Variants in GTF2H2C observed in about 807,000 individuals in gnomAD.
GTF2H2C encodes GTF2H2 family member C.
GTF2H2C carries 5 observed loss-of-function variants against 24.8 expected under a neutral mutation model. That is an observed-to-expected ratio of 0.20 (90% CI 0.11 to 0.42). The LOEUF (loss-of-function observed/expected upper bound fraction) is 0.42, where lower values mean the gene tolerates loss of function less well. Among genes scored for constraint, GTF2H2C ranks in the 20% least tolerant of loss-of-function variants. GTF2H2C has a pLI of 1.00. For synonymous variants in GTF2H2C, 14 were observed against 52.6 expected, an observed-to-expected ratio of 0.27 and a Z score of 3.18; for missense variants, 45 against 169.8, an observed-to-expected ratio of 0.27 and a Z score of 4.08.
intron 9 of GTF2H2C, chr5:69,572,755 TA>T (rs1771127743): frequency 5.8e-6 from 1 of 173,064 alleles, no homozygotes; most frequent in Non-Finnish European, 1.0e-5. Context: ...AAAGGTTTTA[TA>T]AAAATATAAT....
intron 9 of GTF2H2C, among the ~76,000 whole-genome samples, chr5:69,574,279 C>CT (rs1771231679): frequency 9.6e-6 from 1 of 103,848 alleles, no homozygotes; most frequent in Non-Finnish European, 1.9e-5. Context: ...TTTTTACAAA[C>CT]TGACAGTTTA....
Position 69,563,710 on chromosome 5 carries a change from C to T in GTF2H2C, c.-34+940C>T, listed in dbSNP as rs529458011. On this transcript the variant is annotated intron_variant, in intron 2 of 16. Transcript: ENST00000380729. ...TTCCCATCCTTCCCTGTCTAATAGT[C>T]TCCAATGTCTGTTGTTCTCATCGTT... Among the ~76,000 whole-genome samples, 18 of 152,158 alleles carry T rather than the reference C, an allele frequency of 1.2e-4. No homozygotes were observed. In the South Asian group the frequency reaches 2.3e-3, roughly 19 times the overall value.
rs1179131314 is a variant in GTF2H2C at position 69,573,143 on chromosome 5, TATAC to T, written c.470+595_470+598del. ...AGTTAAAGCTTATATATCTATTATA[TATAC>T]ACACACACACACACACACACACACA... On this transcript the variant is annotated intron_variant, in intron 9 of 16. Transcript: ENST00000380729. Among the ~76,000 whole-genome samples the T allele has an allele frequency of 4.7e-3, 437 of 92,026 alleles. 1 individual carries two copies. Among genetic ancestry groups the T allele is most frequent in the African/African-American group, 8.2e-3 (215 of 26,296 alleles). 60.4% of individuals were successfully genotyped at this position (92,026 alleles called of 152,430 possible).
intron 9 of GTF2H2C, among the ~76,000 whole-genome samples, chr5:69,575,447 T>TC (rs1395402092): frequency 1.5e-5 from 2 of 133,064 alleles, no homozygotes; most frequent in Non-Finnish European, 3.0e-5. Flanking sequence ...ACGCCTGTCA[T>TC]CCCAGCACTT....
chr5:69,560,684 G>A (rs1218869153), intron 1 of GTF2H2C: 1 of 150,972 alleles, frequency 6.6e-6, no homozygotes, highest in Non-Finnish European at 1.5e-5. Context: ...CTCATGTAAC[G>A]GGAATCACAC....
At chr5:69,569,553 A>T (rs1304638327) in intron 8 of GTF2H2C, 1 of 21,818 alleles carries the variant, frequency 4.6e-5, no homozygotes, top group African/African-American at 8.8e-5. Flanking sequence ...GGATAGAAGT[A>T]GGGTCAGCAC....
intron 8 of GTF2H2C, among the ~76,000 whole-genome samples, chr5:69,570,372 A>G (rs1369776228): frequency 3.0e-5 from 1 of 33,764 alleles, no homozygotes; most frequent in Non-Finnish European, 5.8e-5. Flanking sequence ...AATATTAAAT[A>G]TTACAAATGG....
intron 2 of GTF2H2C, among the ~76,000 whole-genome samples, chr5:69,564,181 A>G (rs1337494593): frequency 8.3e-6 from 1 of 120,126 alleles, no homozygotes; most frequent in East Asian, 2.3e-4. Context: ...TTTGGCTGCT[A>G]GTATTCCATG....
chr5:69,569,527 G>C (rs1770963116), intron 8 of GTF2H2C: 1 of 22,108 alleles, frequency 4.5e-5, no homozygotes, highest in African/African-American at 8.5e-5. Context: ...TCGATTGCCT[G>C]CTGATGCCCA....
chr5:69,593,719 G>T lies in GTF2H2C; in HGVS notation c.*1521G>T, dbSNP rs1772057228. On this transcript the variant is annotated 3_prime_UTR_variant, in exon 17 of 17. Coordinates refer to ENST00000380729, the MANE Select transcript of GTF2H2C (RefSeq NM_001376000.2). ...TGGGAGGCCGAGGCGGGCAGATCACGAGGTCAGGAGATCGAGACCATCCTG... is the reference window on the plus strand; with the variant it reads ...TGGGAGGCCGAGGCGGGCAGATCACTAGGTCAGGAGATCGAGACCATCCTG... 4 of 21,552 alleles carry T rather than the reference G, an allele frequency of 1.9e-4. No homozygotes were observed. Among genetic ancestry groups the T allele is most frequent in the Admixed American group, 5.5e-4 (1 of 1,820 alleles). 1.3% of individuals were successfully genotyped at this position (21,552 alleles called of 1,614,324 possible). A position where few individuals can be genotyped will look rare whatever the true frequency, so the allele number is the denominator to read the frequency against.
At chr5:69,573,223 T>C (rs991363222) in intron 9 of GTF2H2C, among the ~76,000 whole-genome samples, 5 of 138,842 alleles carry the variant, frequency 3.6e-5, no homozygotes, top group African/African-American at 1.3e-4. Context: ...TCTTGCTCTG[T>C]CACCCAGGCT....
Position 69,566,347 on chromosome 5 carries a change from A to C in GTF2H2C, c.134+139A>C, listed in dbSNP as rs1770757602. 38 of 1,092,156 alleles carry C rather than the reference A, an allele frequency of 3.5e-5. 2 individuals are homozygous for C. In the South Asian group the frequency reaches 6.0e-4, roughly 17 times the overall value. 67.7% of individuals were successfully genotyped at this position (1,092,156 alleles called of 1,614,324 possible). A position where few individuals can be genotyped will look rare whatever the true frequency, so the allele number is the denominator to read the frequency against. ...ATTGCCTTCTGACTATGGGGAAAGA[A>C]CTAGCCACCTACCCTTGCCCCAGCA... On this transcript the variant is annotated intron_variant, in intron 4 of 16. Coordinates refer to ENST00000380729, the MANE Select transcript of GTF2H2C (RefSeq NM_001376000.2).
intron 1 of GTF2H2C, among the ~76,000 whole-genome samples, chr5:69,561,970 C>T (rs1471559940): frequency 2.0e-5 from 3 of 152,070 alleles, no homozygotes; most frequent in African/African-American, 7.2e-5. Flanking sequence ...GAACGTTATG[C>T]GAGTTTTTCA....
chr5:69,565,213 C>A, intron 3 of GTF2H2C, 25 bp downstream of exon 3: 1 of 611,264 alleles, frequency 1.6e-6, no homozygotes, highest in Admixed American at 3.7e-5. Flanking sequence ...ATTGCCCTGT[C>A]TTTTCTTTTA....
chr5:69,566,414 G>A (rs1344187202), intron 4 of GTF2H2C, 175 bp from the exon 5 acceptor site: 15 of 1,245,118 alleles, frequency 1.2e-5, no homozygotes, highest in South Asian at 1.5e-5. Context: ...CTATAATTAT[G>A]TGTATTGTAT....
intron 4 of GTF2H2C, 67 bp downstream of exon 4, chr5:69,566,275 A>G: frequency 6.4e-7 from 1 of 1,560,372 alleles, no homozygotes; most frequent in South Asian, 1.1e-5. Flanking sequence ...CTATCTATAA[A>G]TACTCCTCAG....
At chr5:69,573,121 T>G (rs1771155048) in intron 9 of GTF2H2C, among the ~76,000 whole-genome samples, 1 of 141,302 alleles carries the variant, frequency 7.1e-6, no homozygotes, top group South Asian at 2.2e-4. Flanking sequence ...ATATATAAGT[T>G]AAAGCTTATA....
At chr5:69,565,826 A>G (rs1770718409) in intron 3 of GTF2H2C, 1 of 403,154 alleles carries the variant, frequency 2.5e-6, no homozygotes, top group African/African-American at 2.1e-5. Flanking sequence ...GCGATGCATG[A>G]CTATAATAGT....
chr5:69,591,463 T>C, intron 16 of GTF2H2C, among the ~76,000 whole-genome samples: 2 of 150,312 alleles, frequency 1.3e-5, no homozygotes, highest in Non-Finnish European at 3.0e-5. Context: ...TCATTCTTTT[T>C]TTTTTTTTTT....
Sources: allele counts gnomAD v4.1 joint callset (sites outside exome capture counted in the v4.1 genomes callset), GRCh38; gene constraint gnomAD v4.1.1; transcripts MANE v1.5; gene names NCBI Gene and HGNC (gene_info 2026-07-23, HGNC 2026-07-21).